Variants in BCL2L14 observed in about 807,000 individuals in gnomAD.
BCL2L14 encodes the protein apoptosis facilitator Bcl-2-like protein 14.
Under a neutral mutation model 35.3 loss-of-function variants are expected in BCL2L14, and 27 were observed. The ratio of observed to expected loss-of-function variants is 0.76; its 90% CI spans 0.56 to 1.05. The LOEUF (loss-of-function observed/expected upper bound fraction) is 1.05. BCL2L14 is among the 50% of genes least tolerant of loss of function. BCL2L14 has a pLI of 0.00. For missense variants in BCL2L14, 377 were observed against 382.6 expected, an observed-to-expected ratio of 0.99 and a Z score of 0.12; for synonymous variants, 139 against 145.9, an observed-to-expected ratio of 0.95 and a Z score of 0.34.
intron 1 of BCL2L14, among the ~76,000 whole-genome samples, chr12:12,078,305 TAG>T (rs1433157353): frequency 1.5e-4 from 23 of 152,070 alleles, no homozygotes; most frequent in Admixed American, 3.3e-4. Flanking sequence ...AAGCAGAGGG[TAG>T]AGGGAGAAGG....
At chr12:12,081,967 A>G (rs1224484774) in intron 2 of BCL2L14, among the ~76,000 whole-genome samples, 3 of 152,230 alleles carry the variant, frequency 2.0e-5, no homozygotes, top group Non-Finnish European at 4.4e-5. Context: ...TTTAAATGTG[A>G]CAGTCCTGGC....
intron 2 of BCL2L14, among the ~76,000 whole-genome samples, chr12:12,058,914 A>T (rs1283640535): frequency 6.6e-6 from 1 of 152,074 alleles, no homozygotes; most frequent in East Asian, 1.9e-4. Context: ...GAAACATCTC[A>T]CCAATTTCAA....
chr12:12,094,987 ATT>A (rs71435888), intron 5 of BCL2L14, 57 bp downstream of exon 5: 64,248 of 1,422,378 alleles, frequency 0.045, 38 homozygotes, highest in Middle Eastern at 0.073. Flanking sequence ...GATGGGATGG[ATT>A]TTTTTTTTTT....
intron 4 of BCL2L14, among the ~76,000 whole-genome samples, chr12:12,093,761 C>A (rs1949248300): frequency 6.9e-6 from 1 of 144,296 alleles, no homozygotes; most frequent in Admixed American, 7.2e-5. Flanking sequence ...CCTCTGCACT[C>A]CAGTCTGGGC....
intron 2 of BCL2L14, among the ~76,000 whole-genome samples, chr12:12,063,074 T>C (rs955724756): frequency 2.0e-5 from 3 of 152,136 alleles, no homozygotes; most frequent in African/African-American, 7.2e-5. Context: ...CCAGTCTCAT[T>C]CCAGACAGCA....
rs1281544545 is a variant in BCL2L14 at position 12,063,602 on chromosome 12, C to T, written c.-272+11755C>T. On this transcript the variant is annotated intron_variant, in intron 2 of 3. Coordinates refer to the BCL2L14 transcript ENST00000461264. ...AAACATCGCCCATTATCTCTCCATA[C>T]CACCCCCAAAAATTTTCGCTGTCCC... is the stretch of plus-strand genomic sequence containing the variant. 5.9e-5 allele frequency among the ~76,000 whole-genome samples: 9 copies of T among 152,214 alleles called. No homozygotes were observed. In the South Asian group the frequency reaches 6.2e-4, roughly 11 times the overall value.
chr12:12,059,168 T>A (rs544301684), intron 2 of BCL2L14, among the ~76,000 whole-genome samples: 16 of 152,320 alleles, frequency 1.1e-4, no homozygotes, highest in Admixed American at 5.2e-4. Flanking sequence ...CTCTGATTAT[T>A]CCCCCACGTT....
At position 12,095,702 on chromosome 12, in the gene BCL2L14, G is replaced by A. The variant is rs1241475413; in HGVS notation, c.945+772G>A. 6.1e-6 allele frequency: 6 copies of A among 985,288 alleles called. No individual in the cohort carries two copies. The South Asian group carries it at 1.4e-4, about 23-fold the overall frequency. 61.0% of individuals were successfully genotyped at this position (985,288 alleles called of 1,614,324 possible). On this transcript the variant is annotated intron_variant, in intron 5 of 5. Coordinates refer to ENST00000308721, the MANE Select transcript of BCL2L14 (RefSeq NM_138723.2). ...CACTAGAATGGTCCAGGGGCCAGCA[G>A]GAGGATTGAGTCGGCTCTAGGCATG...
intron 1 of BCL2L14, among the ~76,000 whole-genome samples, chr12:12,073,069 G>A (rs777173572): frequency 1.1e-4 from 16 of 151,810 alleles, no homozygotes; most frequent in Non-Finnish European, 1.8e-4. Flanking sequence ...TTCATTTTTT[G>A]TAGAGACGGA....
chr12:12,058,264 C>CT (rs1474325877), intron 2 of BCL2L14, among the ~76,000 whole-genome samples: 49 of 116,554 alleles, frequency 4.2e-4, no homozygotes, highest in Non-Finnish European at 5.8e-4. Context: ...TTTTTTTTTT[C>CT]TTTTTTTTGA....
intron 5 of BCL2L14, chr12:12,095,901 G>A: frequency 1.0e-6 from 1 of 985,374 alleles, no homozygotes; most frequent in African/African-American, 1.7e-5. Flanking sequence ...CACCAAGTTT[G>A]ATAACCCTAA....
At chr12:12,069,707 C>CAA (rs34941963), upstream of BCL2L14, among the ~76,000 whole-genome samples, 13 of 117,356 alleles carry the variant, frequency 1.1e-4, no homozygotes, top group Admixed American at 5.3e-4. Flanking sequence ...GACTCCGTCT[C>CAA]AAAAAAAAAA....
intron 1 of BCL2L14, chr12:12,078,007 AATCAGTTCTTT>A (rs1455328945): frequency 2.3e-6 from 1 of 438,662 alleles, no homozygotes; most frequent in Non-Finnish European, 4.6e-6. Context: ...AATTGAACAA[AATCAGTTCTTT>A]ATCTATCCTG....
upstream of BCL2L14, among the ~76,000 whole-genome samples, chr12:12,070,174 A>T (rs1295884751): frequency 6.6e-6 from 1 of 152,196 alleles, no homozygotes; most frequent in East Asian, 1.9e-4. Flanking sequence ...GGCTGTGCTT[A>T]GATTCCTTTT....
chr12:12,072,807 T>C (rs4763774), intron 1 of BCL2L14, among the ~76,000 whole-genome samples: 31,834 of 152,096 alleles, frequency 0.21, 4,016 homozygotes, highest in South Asian at 0.34. Flanking sequence ...GACTTAGCTA[T>C]ACACTGAACA....
At chr12:12,057,864 G>C (rs184913286) in intron 2 of BCL2L14, among the ~76,000 whole-genome samples, 1,225 of 105,324 alleles carry the variant, frequency 0.012, 14 homozygotes, top group African/African-American at 0.042. Context: ...TAAAGACAGT[G>C]CCTGGGCTCC....
intron 1 of BCL2L14, among the ~76,000 whole-genome samples, chr12:12,050,239 G>A (rs1253254657): frequency 2.0e-5 from 3 of 152,068 alleles, no homozygotes; most frequent in African/African-American, 7.2e-5. Context: ...CACGACTAAT[G>A]CCCTGGCATG....
Position 12,096,250 on chromosome 12 carries a change from T to G in BCL2L14, c.945+1320T>G, listed in dbSNP as rs961217490. ...TTAATATATTTTCTCAGAGAAATTA[T>G]AATTATCAATTGGGTTCACAGGCTA... On this transcript the variant is annotated intron_variant, in intron 5 of 5. Transcript: ENST00000308721. 48 of 825,774 alleles carry G rather than the reference T, an allele frequency of 5.8e-5. No individual in the cohort carries two copies. In the African/African-American group the frequency reaches 8.5e-4, roughly 15 times the overall value. 51.2% of individuals were successfully genotyped at this position (825,774 alleles called of 1,614,324 possible).
intron 3 of BCL2L14, among the ~76,000 whole-genome samples, chr12:12,089,466 C>T (rs1200371459): frequency 2.6e-5 from 4 of 151,938 alleles, no homozygotes; most frequent in South Asian, 2.1e-4. Flanking sequence ...GAGGCCGAGG[C>T]GGACGGATCT....
Sources: gnomAD v4.1 joint callset for allele counts (sites outside exome capture counted in the v4.1 genomes callset) on GRCh38, gnomAD v4.1.1 for gene constraint, MANE v1.5 for transcripts, NCBI Gene and HGNC (gene_info 2026-07-23, HGNC 2026-07-21) for gene names.